The following CAPN9 variants were observed in gnomAD, a reference collection of about 807,000 sequenced individuals.
CAPN9 encodes the protein calpain-9.
A neutral mutation model predicts 92.8 loss-of-function variants in CAPN9; 81 were observed. The ratio of observed to expected loss-of-function variants is 0.87; its 90% CI spans 0.73 to 1.05. The LOEUF (loss-of-function observed/expected upper bound fraction) is 1.05. Ranked by LOEUF, CAPN9 falls within the 50% of genes least tolerant of loss-of-function variation. CAPN9 has a pLI of 0.00. For synonymous variants in CAPN9, 304 were observed against 328.0 expected, an observed-to-expected ratio of 0.93 and a Z score of 0.79; for missense variants, 848 against 866.2, an observed-to-expected ratio of 0.98 and a Z score of 0.26.
intron 8 of CAPN9, among the ~76,000 whole-genome samples, chr1:230,775,064 C>A (rs1322526809): frequency 6.6e-6 from 1 of 151,952 alleles, no homozygotes; most frequent in Non-Finnish European, 1.5e-5. Context: ...TTTGGCAAAT[C>A]AAATTCATCT....
At chr1:230,801,006 A>G (rs186614019) in intron 19 of CAPN9, among the ~76,000 whole-genome samples, 1 of 152,208 alleles carries the variant, frequency 6.6e-6, no homozygotes, top group Admixed American at 6.5e-5. Flanking sequence ...GGAGAAAAAA[A>G]CCATCTCATA....
In CAPN9 at chr1:230,747,812, GT is replaced by G. The variant is rs1664521475; in HGVS notation, c.213+104del. The stretch of plus-strand genomic sequence containing the variant: ...GCTGGGGAGGGGCCGGCTACGCTCA[GT>G]GCAACTGAGGTGCATCATCCCAGTC... On this transcript the variant is annotated intron_variant, in intron 1 of 19. Coordinates refer to ENST00000271971, the MANE Select transcript of CAPN9 (RefSeq NM_006615.3). The G allele has an allele frequency of 6.2e-6, 6 of 968,956 alleles. No homozygotes were observed. The Admixed American group carries it at 1.2e-4, about 19-fold the overall frequency. The allele number at this position is 968,956 out of a possible 1,614,324, so 60.0% of individuals were successfully genotyped here.
At chr1:230,752,211 G>A (rs1433510670) in intron 1 of CAPN9, among the ~76,000 whole-genome samples, 1 of 152,120 alleles carries the variant, frequency 6.6e-6, no homozygotes, top group Non-Finnish European at 1.5e-5. Flanking sequence ...TGGGCATGTG[G>A]GCCGTCAGCA....
At chr1:230,758,001 C>A (rs1467931536) in intron 2 of CAPN9, among the ~76,000 whole-genome samples, 1 of 152,168 alleles carries the variant, frequency 6.6e-6, no homozygotes, top group African/African-American at 2.4e-5. Flanking sequence ...GAGCAACACG[C>A]TGACCCACAG....
intron 13 of CAPN9, 33 bp from the exon 14 acceptor site, chr1:230,790,099 G>C: frequency 6.4e-7 from 1 of 1,555,454 alleles, no homozygotes. Context: ...AGGTGCCAAG[G>C]GCTATAACAA....
At chr1:230,752,315 C>T (rs1664897734) in intron 1 of CAPN9, among the ~76,000 whole-genome samples, 1 of 152,190 alleles carries the variant, frequency 6.6e-6, no homozygotes, top group Non-Finnish European at 1.5e-5. Context: ...GGCACGTGTG[C>T]ACACCAATTC....
At chr1:230,764,191 A>G (rs1665821516) in intron 4 of CAPN9, among the ~76,000 whole-genome samples, 1 of 152,186 alleles carries the variant, frequency 6.6e-6, no homozygotes, top group African/African-American at 2.4e-5. Flanking sequence ...GTTTCTGGAG[A>G]AAATAGCTTT....
At chr1:230,795,317 G>GACTGAAGATGCCACCCCGA in intron 18 of CAPN9, 38 bp downstream of exon 18, 1 of 1,266,770 alleles carries the variant, frequency 7.9e-7, no homozygotes, top group Non-Finnish European at 1.2e-6. Flanking sequence ...ACCTCGGGGT[G>GACTGAAGATGCCACCCCGA]GCATCTTCAG....
At chr1:230,761,902 C>T (rs1665668588) in intron 3 of CAPN9, among the ~76,000 whole-genome samples, 1 of 152,212 alleles carries the variant, frequency 6.6e-6, no homozygotes, top group African/African-American at 2.4e-5. Context: ...CTCAAACACA[C>T]ACGTGTGTAG....
chr1:230,787,168 G>T (rs1475169696), intron 12 of CAPN9, among the ~76,000 whole-genome samples: 1 of 152,210 alleles, frequency 6.6e-6, no homozygotes, highest in Admixed American at 6.5e-5. Flanking sequence ...CAAAACAGAT[G>T]ATGAAGTAAG....
At position 230,795,153 on chromosome 1, in the gene CAPN9, G is replaced by T. The variant is rs1668264488; in HGVS notation, c.1871-10G>T. ...CAGCGAGTCCTGGGTCTCCTCCTTT[G>T]TCCCCACAGGCTTTCAGCTGAGCAG... On this transcript the variant is annotated splice_polypyrimidine_tract_variant and intron_variant, in intron 17 of 19. Transcript: ENST00000271971. 1 of 1,585,754 alleles carries T rather than the reference G, an allele frequency of 6.3e-7. No individual in the cohort carries two copies. Among genetic ancestry groups the T allele is most frequent in the Non-Finnish European group, 8.7e-7 (1 of 1,155,278 alleles).
intron 19 of CAPN9, among the ~76,000 whole-genome samples, chr1:230,800,294 G>GAACA (rs1668637084): frequency 9.1e-6 from 1 of 109,844 alleles, no homozygotes; most frequent in Non-Finnish European, 2.0e-5. Flanking sequence ...AAGAAAGAAA[G>GAACA]AAAGAAAGAA....
At chr1:230,786,167 C>T in intron 12 of CAPN9, 150 bp downstream of exon 12, 1 of 1,558,342 alleles carries the variant, frequency 6.4e-7, no homozygotes, top group Non-Finnish European at 8.7e-7. Flanking sequence ...TCCTGGAGAC[C>T]AAGATGTGTG....
chr1:230,799,806 G>A (rs1424358540), intron 19 of CAPN9, among the ~76,000 whole-genome samples: 2 of 152,196 alleles, frequency 1.3e-5, no homozygotes, highest in Non-Finnish European at 2.9e-5. Context: ...GCCTAGGCGG[G>A]AGGATTGCTT....
intron 5 of CAPN9, 108 bp downstream of exon 5, chr1:230,767,817 G>C (rs1666090096): frequency 9.5e-7 from 1 of 1,048,450 alleles, no homozygotes; most frequent in Non-Finnish European, 1.4e-6. Flanking sequence ...CCCAAGGAGG[G>C]GCATAACTCT....
chr1:230,757,719 C>CAA (rs35948414), intron 2 of CAPN9, among the ~76,000 whole-genome samples: 1,174 of 104,258 alleles, frequency 0.011, 38 homozygotes, highest in African/African-American at 0.039. Flanking sequence ...ACATCTCTAT[C>CAA]AAAAAAAAAA....
At chr1:230,772,218 T>G in intron 7 of CAPN9, 119 bp downstream of exon 7, 8 of 814,716 alleles carry the variant, frequency 9.8e-6, no homozygotes, top group South Asian at 4.8e-5. Flanking sequence ...TGACTCAGGA[T>G]CCTGTCCCGA....
chr1:230,773,442 A>T (rs1376123000), intron 7 of CAPN9, among the ~76,000 whole-genome samples: 4 of 152,156 alleles, frequency 2.6e-5, no homozygotes, highest in Non-Finnish European at 5.9e-5. Context: ...ATAAAGGGAA[A>T]ATGGGCCATT....
chr1:230,772,619 A>G (rs958064394), intron 7 of CAPN9, among the ~76,000 whole-genome samples: 7 of 152,166 alleles, frequency 4.6e-5, no homozygotes, highest in African/African-American at 1.7e-4. Context: ...GCTCATGCCT[A>G]TAATTCCAAC....
Sources: gnomAD v4.1 joint callset for allele counts (sites outside exome capture counted in the v4.1 genomes callset) on GRCh38, gnomAD v4.1.1 for gene constraint, MANE v1.5 for transcripts, NCBI Gene and HGNC (gene_info 2026-07-23, HGNC 2026-07-21) for gene names.